TSPEAR: variants seen among roughly 807,000 people sequenced by gnomAD.
The protein encoded by TSPEAR is thrombospondin-type laminin G domain and EAR repeat-containing protein.
Under a neutral mutation model 71.6 loss-of-function variants are expected in TSPEAR, and 69 were observed. The observed-to-expected ratio is 0.96, with a 90% CI of 0.79 to 1.18. TSPEAR has a LOEUF of 1.18. Among genes scored for constraint, TSPEAR ranks in the 50% most tolerant of loss-of-function variants. TSPEAR has a pLI of 0.00. For synonymous variants in TSPEAR, 402 were observed against 387.2 expected (o/e 1.04, Z -0.45); for missense variants, 971 against 894.9 (o/e 1.09, Z -1.09).
At chr21:44,627,723 G>A (rs1555934799) in intron 1 of TSPEAR, 1 of 1,594,588 alleles carries the variant, frequency 6.3e-7, no homozygotes, top group East Asian at 2.2e-5. Flanking sequence ...CCTACTGTGT[G>A]CCTGTCTGCT....
intron 1 of TSPEAR, among the ~76,000 whole-genome samples, chr21:44,708,899 G>A (rs1988074649): frequency 6.6e-6 from 1 of 152,256 alleles, no homozygotes; most frequent in African/African-American, 2.4e-5. Flanking sequence ...CTTTCCTGGC[G>A]TGGATGCTGA....
intron 8 of TSPEAR, among the ~76,000 whole-genome samples, chr21:44,524,882 G>GT (rs2052817718): frequency 1.4e-5 from 2 of 140,826 alleles, no homozygotes; most frequent in Non-Finnish European, 2.9e-5. Flanking sequence ...CAGTCAGGTA[G>GT]TTAGTCAGGT....
At chr21:44,685,533 C>T (rs151107436) in intron 1 of TSPEAR, among the ~76,000 whole-genome samples, 2,160 of 152,160 alleles carry the variant, frequency 0.014, 49 homozygotes, top group African/African-American at 0.049. Context: ...TCCTGGGCTC[C>T]GTCTGCAGAG....
chr21:44,563,456 C>T (rs2053665066), intron 2 of TSPEAR, among the ~76,000 whole-genome samples: 1 of 151,968 alleles, frequency 6.6e-6, no homozygotes, highest in South Asian at 2.1e-4. Context: ...ATATGGTAAA[C>T]CCCAGAGCAA....
intron 10 of TSPEAR, among the ~76,000 whole-genome samples, chr21:44,505,950 G>A (rs1021076189): frequency 4.6e-5 from 7 of 152,178 alleles, no homozygotes; most frequent in Non-Finnish European, 5.9e-5. Context: ...GGAGGCAGGA[G>A]CTTGGTTTCC....
At chr21:44,690,536 C>T in intron 1 of TSPEAR, 1 of 985,208 alleles carries the variant, frequency 1.0e-6, no homozygotes, top group Non-Finnish European at 1.2e-6. Context: ...CTGAAGGCTA[C>T]AGACTCACAG....
chr21:44,605,535 A>ACT (rs1370138037), intron 1 of TSPEAR, among the ~76,000 whole-genome samples: 5 of 152,174 alleles, frequency 3.3e-5, no homozygotes, highest in Admixed American at 2.6e-4. Flanking sequence ...GAGGCATCAC[A>ACT]CTCCCTAATT....
At chr21:44,709,581 C>G (rs1555953187) in intron 1 of TSPEAR, among the ~76,000 whole-genome samples, 2 of 152,272 alleles carry the variant, frequency 1.3e-5, no homozygotes, top group African/African-American at 4.8e-5. Flanking sequence ...CCCCCAGCCT[C>G]GCGACCGCCT....
In TSPEAR at chr21:44,628,552, C is replaced by A. The variant is rs1485946046; in HGVS notation, c.83-60547G>T. Among the ~76,000 whole-genome samples the A allele has an allele frequency of 1.1e-4, 17 of 152,136 alleles. No individual in the cohort carries two copies. In the East Asian group the frequency reaches 3.1e-3, roughly 28 times the overall value. On this transcript the variant is annotated intron_variant, in intron 1 of 11. Transcript: ENST00000323084. ...TCCACCTCGTGGCACGTTCTGCTGTCCGGCTCCCCTCCCAGGTCCTGTGGG... is the reference window on the plus strand; with the variant it reads ...TCCACCTCGTGGCACGTTCTGCTGTACGGCTCCCCTCCCAGGTCCTGTGGG...
At position 44,499,934 on chromosome 21, in the gene TSPEAR, C is replaced by A; in HGVS notation, c.1859G>T (p.Trp620Leu). Residue 620 changes from tryptophan to leucine, a missense_variant and splice_region_variant, in exon 12 of 12, where the codon TGG (tryptophan) becomes TTG (leucine). Coordinates refer to ENST00000323084, the MANE Select transcript of TSPEAR (RefSeq NM_144991.3). ...TFSVNSIIYR[W>L]QGYEGFVAVH... ...CGCCACGAAGCCCTCGTAGCCCTGCCACCTGCGGAACAGACAGCGGCAGCC... is the reference window on the plus strand; with the variant it reads ...CGCCACGAAGCCCTCGTAGCCCTGCAACCTGCGGAACAGACAGCGGCAGCC... 6.2e-7 allele frequency: 1 copy of A among 1,605,108 alleles called. No individual in the cohort carries two copies. The highest frequency in any genetic ancestry group is 8.5e-7 in the Non-Finnish European group (1 of 1,177,450).
chr21:44,515,396 G>C (rs766694483), intron 9 of TSPEAR: 1 of 152,440 alleles, frequency 6.6e-6, no homozygotes, highest in Non-Finnish European at 1.5e-5. Context: ...CCAGGTCCCC[G>C]TTCCCGGAGT....
chr21:44,669,123 C>T (rs1985931050), intron 1 of TSPEAR, among the ~76,000 whole-genome samples: 1 of 152,174 alleles, frequency 6.6e-6, no homozygotes, highest in African/African-American at 2.4e-5. Flanking sequence ...CATCATTAAA[C>T]AGCATCACAT....
intron 8 of TSPEAR, among the ~76,000 whole-genome samples, chr21:44,523,926 G>C (rs1373926355): frequency 6.6e-6 from 1 of 151,692 alleles, no homozygotes; most frequent in Non-Finnish European, 1.5e-5. Flanking sequence ...CAGTCAGTCA[G>C]TCAATTAGCC....
At chr21:44,621,157 A>G (rs587701464) in intron 1 of TSPEAR, among the ~76,000 whole-genome samples, 11 of 152,342 alleles carry the variant, frequency 7.2e-5, no homozygotes, top group African/African-American at 2.4e-4. Flanking sequence ...GTTTTTGCAC[A>G]TATCTGTTAG....
At chr21:44,681,079 CTGTGTGTA>C (rs1389693404) in intron 1 of TSPEAR, among the ~76,000 whole-genome samples, 1 of 152,188 alleles carries the variant, frequency 6.6e-6, no homozygotes, top group Non-Finnish European at 1.5e-5. Context: ...TACGTATCCT[CTGTGTGTA>C]AAGTATTTCA....
chr21:44,530,923 G>T, intron 4 of TSPEAR, 120 bp downstream of exon 4: 1 of 815,944 alleles, frequency 1.2e-6, no homozygotes, highest in Non-Finnish European at 2.1e-6. Context: ...CACGCACGCT[G>T]TACCTTCTTT....
intron 1 of TSPEAR, among the ~76,000 whole-genome samples, chr21:44,662,389 A>C (rs1021831386): frequency 6.6e-6 from 1 of 152,254 alleles, no homozygotes; most frequent in Non-Finnish European, 1.5e-5. Flanking sequence ...ACCAAGGATA[A>C]AAAGGAATAT....
intron 1 of TSPEAR, among the ~76,000 whole-genome samples, chr21:44,650,828 G>A (rs1984743118): frequency 6.6e-6 from 1 of 152,224 alleles, no homozygotes; most frequent in Admixed American, 6.5e-5. Flanking sequence ...CCTCCTACAG[G>A]CCAAGGGACA....
chr21:44,639,073 A>G (rs1983861207), intron 1 of TSPEAR, among the ~76,000 whole-genome samples: 1 of 152,030 alleles, frequency 6.6e-6, no homozygotes, highest in Non-Finnish European at 1.5e-5. Context: ...ATGGGCAGGG[A>G]CCATGGCACC....
Sources: allele counts gnomAD v4.1 joint callset (sites outside exome capture counted in the v4.1 genomes callset), GRCh38; gene constraint gnomAD v4.1.1; transcripts MANE v1.5; gene names NCBI Gene and HGNC (gene_info 2026-07-23, HGNC 2026-07-21).